PCDHGA8: variants seen among roughly 807,000 people sequenced by gnomAD.
PCDHGA8 encodes the protein protocadherin gamma-A8.
A neutral mutation model predicts 59.2 loss-of-function variants in PCDHGA8; 45 were observed. The observed-to-expected ratio is 0.76, with a 90% CI of 0.60 to 0.98. The LOEUF (loss-of-function observed/expected upper bound fraction) is 0.98. PCDHGA8 is among the 50% of genes least tolerant of loss of function. PCDHGA8 has a pLI of 0.00. For synonymous variants in PCDHGA8, 531 were observed against 519.0 expected, an observed-to-expected ratio of 1.02 and a Z score of -0.32; for missense variants, 1,257 against 1,196.2, an observed-to-expected ratio of 1.05 and a Z score of -0.75.
Position 141,455,633 on chromosome 5 carries a change from G to A in PCDHGA8, c.2425-39174G>A, listed in dbSNP as rs1049071525. On this transcript the variant is annotated intron_variant, in intron 1 of 3. Coordinates refer to ENST00000398604, the MANE Select transcript of PCDHGA8 (RefSeq NM_032088.2). ...ATGTTCTAAACACGTGGAGATATGT[G>A]GGGGGCAGCCATGTGGCCAGGAACT... Among the ~76,000 whole-genome samples, 19 of 152,198 alleles carry A rather than the reference G, an allele frequency of 1.2e-4. No homozygotes were observed. In the East Asian group the frequency reaches 3.1e-3, roughly 25 times the overall value.
chr5:141,419,831 G>A, intron 1 of PCDHGA8: 5 of 1,614,048 alleles, frequency 3.1e-6, no homozygotes, highest in Non-Finnish European at 4.2e-6. Context: ...TTCAGCCACT[G>A]CCACGCTGCA....
At chr5:141,419,407 G>A (rs1426208057) in intron 1 of PCDHGA8, 20 of 1,613,396 alleles carry the variant, frequency 1.2e-5, no homozygotes, top group Non-Finnish European at 1.4e-5. Flanking sequence ...TGGTGTTCGC[G>A]CAGCGCGCCT....
intron 1 of PCDHGA8, among the ~76,000 whole-genome samples, chr5:141,439,459 A>C (rs558086952): frequency 6.6e-6 from 1 of 152,222 alleles, no homozygotes. Flanking sequence ...GCAAGACTGC[A>C]CTGCTGCCTT....
chr5:141,492,557 G>A (rs2154587614), intron 1 of PCDHGA8, among the ~76,000 whole-genome samples: 1 of 152,350 alleles, frequency 6.6e-6, no homozygotes, highest in East Asian at 1.9e-4. Flanking sequence ...TCGCCTGGGG[G>A]GCGGCCTGAG....
rs1562106021 is a variant in PCDHGA8 at position 141,485,561 on chromosome 5, G to T, written c.2425-9246G>T. 6.2e-7 allele frequency: 1 copy of T among 1,613,008 alleles called. No individual in the cohort carries two copies. Among genetic ancestry groups the T allele is most frequent in the Non-Finnish European group, 8.5e-7 (1 of 1,179,122 alleles). ...AGAGATCGTAGATGTGAATGATCAC[G>T]CCCCCCGTTTTCCGCGGCAGCAGCT... On this transcript the variant is annotated intron_variant, in intron 1 of 3. Coordinates refer to ENST00000398604, the MANE Select transcript of PCDHGA8 (RefSeq NM_032088.2). The surrounding 1 kb of genome is among the most constrained non-coding windows in gnomAD (Gnocchi z 5.7).
chr5:141,441,764 C>A, intron 1 of PCDHGA8: 1 of 384,482 alleles, frequency 2.6e-6, no homozygotes, highest in South Asian at 2.1e-5. Flanking sequence ...TGAGCCTGCG[C>A]GTGTTGGTGG....
intron 1 of PCDHGA8, chr5:141,403,193 A>G (rs1291009856): frequency 1.9e-6 from 3 of 1,613,986 alleles, no homozygotes; most frequent in South Asian, 2.2e-5. Context: ...GAACCCGCGC[A>G]GCGGCACCTT....
chr5:141,428,367 G>C, intron 1 of PCDHGA8: 1 of 546,792 alleles, frequency 1.8e-6, no homozygotes, highest in South Asian at 1.9e-5. Context: ...CGGTCGCCTT[G>C]CACCTGCGAT....
rs888836155 is a variant in PCDHGA8, at chr5:141,512,011, A to C, written c.*838A>C. The C allele has an allele frequency of 1.3e-5, 2 of 152,946 alleles. No homozygotes were observed. The highest frequency in any genetic ancestry group is 6.5e-5 in the Admixed American group (1 of 15,300). The allele number at this position is 152,946 out of a possible 1,614,324, so 9.5% of individuals were successfully genotyped here. ...GGCATGGACAAAGCTTGACACATCA[A>C]GTTATCAAGGCCTTGGAGGAGGCTC... On this transcript the variant is annotated 3_prime_UTR_variant, in exon 4 of 4. Coordinates refer to ENST00000398604, the MANE Select transcript of PCDHGA8 (RefSeq NM_032088.2).
At chr5:141,460,741 A>G (rs1378900827) in intron 1 of PCDHGA8, among the ~76,000 whole-genome samples, 1 of 152,128 alleles carries the variant, frequency 6.6e-6, no homozygotes, top group Non-Finnish European at 1.5e-5. Flanking sequence ...CACATTGTAT[A>G]TATATGTGTA....
chr5:141,415,325 C>A (rs1046074461), intron 1 of PCDHGA8: 2 of 1,614,094 alleles, frequency 1.2e-6, no homozygotes, highest in Non-Finnish European at 1.7e-6. Context: ...GTGCTGCTGG[C>A]GCACAGGCTG....
chr5:141,426,646 T>C (rs764903298), intron 1 of PCDHGA8: 1 of 416,448 alleles, frequency 2.4e-6, no homozygotes, highest in South Asian at 1.7e-5. Flanking sequence ...ATAAATGTGA[T>C]GATAGAAGAT....
At chr5:141,479,186 T>A (rs956575218) in intron 1 of PCDHGA8, 1 of 152,590 alleles carries the variant, frequency 6.6e-6, no homozygotes, top group Non-Finnish European at 1.5e-5. Flanking sequence ...GCTAGAAAAT[T>A]CAGAAAATAC....
At chr5:141,408,213 G>A in intron 1 of PCDHGA8, 1 of 1,554,970 alleles carries the variant, frequency 6.4e-7, no homozygotes, top group South Asian at 1.2e-5. Flanking sequence ...ATGGGAGGGA[G>A]CTGCGCGCAG....
In PCDHGA8 at chr5:141,394,451, G is replaced by A. The variant is rs774912185; in HGVS notation, c.1638G>A (p.Met546Ile). The change falls in exon 1 of 4, where the codon ATG becomes ATA. Residue 546 changes from methionine to isoleucine, a missense_variant. Coordinates refer to ENST00000398604, the MANE Select transcript of PCDHGA8 (RefSeq NM_032088.2). ...GGGACCCGCCCCTCAGCAGCAACAT[G>A]TCACTGAGCCTGTTCGTGCTGGACC... ...DSGDPPLSSN[M>I]SLSLFVLDQN... 1 of 1,614,118 alleles carries A rather than the reference G, an allele frequency of 6.2e-7. No homozygotes were observed. The highest frequency in any genetic ancestry group is 8.5e-7 in the Non-Finnish European group (1 of 1,180,046).
In PCDHGA8 at chr5:141,489,120, G is replaced by C; in HGVS notation, c.2425-5687G>C. The C allele has an allele frequency of 1.1e-5, 5 of 445,662 alleles. No homozygotes were observed. Among genetic ancestry groups the C allele is most frequent in the East Asian group, 3.8e-5 (1 of 26,010 alleles). The allele number at this position is 445,662 out of a possible 1,614,324, so 27.6% of individuals were successfully genotyped here. ...AACTGCTGCAAGCAGGCAAACCTCC[G>C]AGCAGTTTTTAAGAGGCTGGAAGGA... On this transcript the variant is annotated intron_variant, in intron 1 of 3. Transcript: ENST00000398604. This position sits in a 1 kb window ranked among gnomAD's most constrained non-coding sequence, Gnocchi z 4.5.
At chr5:141,507,017 C>CACTT (rs763489200) in intron 3 of PCDHGA8, 1 of 152,206 alleles carries the variant, frequency 6.6e-6, no homozygotes, top group Non-Finnish European at 1.5e-5. Flanking sequence ...ACCGAGAAGG[C>CACTT]ACTTGCCCCA....
chr5:141,428,173 C>G, intron 1 of PCDHGA8: 1 of 1,514,730 alleles, frequency 6.6e-7, no homozygotes. Context: ...CTGTGCGTGA[C>G]GGAGGACAGC....
At chr5:141,445,524 TA>T (rs1180348783) in intron 1 of PCDHGA8, among the ~76,000 whole-genome samples, 1 of 152,192 alleles carries the variant, frequency 6.6e-6, no homozygotes, top group Admixed American at 6.5e-5. Flanking sequence ...ACAGGTCTGA[TA>T]AAAGCCAACA....
Sources: gnomAD v4.1 joint callset for allele counts (sites outside exome capture counted in the v4.1 genomes callset) on GRCh38, gnomAD v4.1.1 for gene constraint, Gnocchi (gnomAD v3.1) non-coding constraint, MANE v1.5 for transcripts, NCBI Gene and HGNC (gene_info 2026-07-23, HGNC 2026-07-21) for gene names.